Variants in VILL observed in about 807,000 individuals in gnomAD.
VILL encodes the protein villin like.
In VILL, 102 loss-of-function variants were observed where a neutral mutation model predicts 106.3. That is an observed-to-expected ratio of 0.96 (90% CI 0.82 to 1.13). VILL has a LOEUF of 1.13. Ranked by LOEUF, VILL falls within the 50% of genes most tolerant of loss-of-function variation. VILL has a pLI of 0.00. For missense variants in VILL, 1,076 were observed against 1,116.6 expected (o/e 0.96, Z 0.52); for synonymous variants, 431 against 440.3 (o/e 0.98, Z 0.27).
Position 37,993,895 on chromosome 3 carries a change from C to T in VILL, c.61-3C>T. ...GTTGTTACAGGGAACTCTCCTCTCC[C>T]AGAACCGGAAGATGGTGCCGGTACC... On this transcript the variant is annotated splice_polypyrimidine_tract_variant and splice_region_variant and intron_variant, in intron 2 of 19. Coordinates refer to ENST00000383759, the MANE Select transcript of VILL (RefSeq NM_015873.4). The T allele has an allele frequency of 1.2e-5, 20 of 1,614,196 alleles. No homozygotes were observed. Among genetic ancestry groups the T allele is most frequent in the Non-Finnish European group, 1.7e-5 (20 of 1,180,034 alleles).
At chr3:38,006,419 T>A in intron 18 of VILL, 30 bp from the exon 19 acceptor site, 1 of 1,580,118 alleles carries the variant, frequency 6.3e-7, no homozygotes, top group South Asian at 1.2e-5. Context: ...ATTCCCCATC[T>A]TCCCCAGCCT....
chr3:38,003,276 G>A lies in VILL; in HGVS notation c.1768G>A (p.Ala590Thr), dbSNP rs1305116939. Residue 590 changes from alanine (A) to threonine (T), a missense_variant, in exon 15 of 20, where the codon GCC (alanine) becomes ACC (threonine). By Grantham distance (58) the Ala-to-Thr change is moderately conservative. Coordinates refer to ENST00000383759, the MANE Select transcript of VILL (RefSeq NM_015873.4). ...EGQEPPHFWE[A>T]LGGRAPYPSN... Reference sequence around the variant, plus strand: ...TCAGGAGCCTCCCCACTTCTGGGAGGCCCTGGGAGGCCGGGCCCCCTACCC... The same window carrying A: ...TCAGGAGCCTCCCCACTTCTGGGAGACCCTGGGAGGCCGGGCCCCCTACCC... 6.2e-7 allele frequency: 1 copy of A among 1,613,072 alleles called. No homozygotes were observed. The highest frequency in any genetic ancestry group is 1.1e-5 in the South Asian group (1 of 90,892).
At chr3:38,003,506 T>G (rs530076262) in intron 15 of VILL, 193 bp downstream of exon 15, 47,966 of 509,836 alleles carry the variant, frequency 0.094, 2,011 homozygotes, top group African/African-American at 0.25. Flanking sequence ...CTTGCGTCTC[T>G]CAGATGCTGG....
rs568693828 is a variant in VILL at position 38,004,213 on chromosome 3, C to T, written c.1806-42C>T. 1.3e-5 allele frequency: 20 copies of T among 1,577,814 alleles called. No homozygotes were observed. In the East Asian group the frequency reaches 3.2e-4, roughly 25 times the overall value. On this transcript the variant is annotated intron_variant, in intron 15 of 19. Coordinates refer to ENST00000383759, the MANE Select transcript of VILL (RefSeq NM_015873.4). ...GGCACTTGTGCCATGGGCTGGGGTG[C>T]CCCTCTGGGTGGCTCACAGCCTTGC...
At position 38,002,867 on chromosome 3, in the gene VILL, A is replaced by G. The variant is rs528270191; in HGVS notation, c.1659+292A>G. ...GGTCTCTTGGGAAAAGGGGAGGCCT[A>G]TGCCAGTTTGCTGGAGTTTTCTCTA... On this transcript the variant is annotated intron_variant, in intron 14 of 19. Coordinates refer to ENST00000383759, the MANE Select transcript of VILL (RefSeq NM_015873.4). The G allele has an allele frequency of 3.4e-4, 181 of 532,080 alleles. 2 individuals are homozygous for G. In the South Asian group the frequency reaches 4.7e-3, roughly 14 times the overall value. The allele number at this position is 532,080 out of a possible 1,614,324, so 33.0% of individuals were successfully genotyped here.
Position 37,993,939 on chromosome 3 carries a change from CT to C in VILL, c.108del (p.Phe36LeufsTer85). 5 of 1,614,184 alleles carry C rather than the reference CT, an allele frequency of 3.1e-6. No individual in the cohort carries two copies. The highest frequency in any genetic ancestry group is 3.4e-6 in the Non-Finnish European group (4 of 1,180,032). On this transcript the variant is annotated frameshift_variant, in exon 3 of 20. Transcript: ENST00000383759. LOFTEE classifies it high-confidence loss of function. ...VPVPEGAYGN[F>X]FEEHCYVILH... ...CGGTACCCGAGGGGGCTTACGGGAACTTTTTTGAGGAACACTGCTATGTCAT... is the reference window on the plus strand; with the variant it reads ...CGGTACCCGAGGGGGCTTACGGGAACTTTTTGAGGAACACTGCTATGTCAT...
rs1348577513 is a variant in VILL, at chr3:38,006,434, C to T, written c.2206-15C>T. 6.3e-7 allele frequency: 1 copy of T among 1,586,162 alleles called. No homozygotes were observed. The highest frequency in any genetic ancestry group is 1.7e-5 in the Admixed American group (1 of 58,342). ...ATTCCCCATCTTCCCCAGCCTGAGG[C>T]TCCTCTCTGGACAGGAAGTCAACAA... On this transcript the variant is annotated splice_polypyrimidine_tract_variant and intron_variant, in intron 18 of 19. Transcript: ENST00000383759.
chr3:37,993,602 G>T lies in VILL; in HGVS notation c.-71G>T. The T allele has an allele frequency of 6.8e-7, 1 of 1,469,110 alleles. No homozygotes were observed. Among genetic ancestry groups the T allele is most frequent in the Non-Finnish European group, 9.5e-7 (1 of 1,056,458 alleles). 91.0% of individuals were successfully genotyped at this position (1,469,110 alleles called of 1,614,324 possible). ...TATAATGAAGTTGTACAGGTAGCCA[G>T]GTGTCGGTCTCCAGCCTGAGAACTC... On this transcript the variant is annotated 5_prime_UTR_variant, in exon 2 of 20. The change creates a new upstream start codon in the 5' untranslated region. Coordinates refer to ENST00000383759, the MANE Select transcript of VILL (RefSeq NM_015873.4).
At chr3:37,994,156 A>T in intron 3 of VILL, 105 bp from the exon 4 acceptor site, 1 of 1,444,744 alleles carries the variant, frequency 6.9e-7, no homozygotes, top group Non-Finnish European at 9.5e-7. Flanking sequence ...ATCTCCGCGG[A>T]AGCCCCTGCC....
chr3:37,999,873 A>G (rs1305383894), intron 11 of VILL, among the ~76,000 whole-genome samples: 2 of 152,222 alleles, frequency 1.3e-5, no homozygotes, highest in African/African-American at 4.8e-5. Context: ...ACACCAACAC[A>G]GACACACGAT....
At chr3:37,988,232 G>A (rs974401701), upstream of VILL, 1 of 152,314 alleles carries the variant, frequency 6.6e-6, no homozygotes, top group Non-Finnish European at 1.5e-5. Context: ...CATATTGCCA[G>A]AACACAGTAA....
At chr3:38,006,112 C>T in intron 17 of VILL, 69 bp from the exon 18 acceptor site, 6 of 1,609,594 alleles carry the variant, frequency 3.7e-6, no homozygotes, top group Non-Finnish European at 5.1e-6. Flanking sequence ...TCCTCAGGCC[C>T]CTCATGTGTC....
At position 38,006,995 on chromosome 3, in the gene VILL, A is replaced by G. The variant is rs1174717760; in HGVS notation, c.2511A>G (p.Glu837=). The stretch of plus-strand genomic sequence containing the variant: ...ATATCTTTGGGAAATCCAAGGAGGA[A>G]TTCTACAGCATGGCCACGTGGAGGC... ...FQDIFGKSKE[E]FYSMATWRQR... The change falls in exon 20 of 20, where the codon GAA becomes GAG. Residue 837 remains glutamate (E), a synonymous_variant. Transcript: ENST00000383759. 1 of 1,614,036 alleles carries G rather than the reference A, an allele frequency of 6.2e-7. No individual in the cohort carries two copies. Among genetic ancestry groups the G allele is most frequent in the African/African-American group, 1.3e-5 (1 of 74,916 alleles).
chr3:38,005,794 C>A lies in VILL; in HGVS notation c.1953C>A (p.Ile651=), dbSNP rs1449449222. ...DIMLLDTWQE[I]FLWLGEAASE... ...GCCAGGTCCCCTCTGTGGCTCAGATCTTCCTGTGGCTTGGGGAAGCTGCAA... is the reference window on the plus strand; with the variant it reads ...GCCAGGTCCCCTCTGTGGCTCAGATATTCCTGTGGCTTGGGGAAGCTGCAA... The change falls in exon 17 of 20, where the codon ATC becomes ATA. Residue 651 remains isoleucine (I), a splice_region_variant and synonymous_variant. Coordinates refer to ENST00000383759, the MANE Select transcript of VILL (RefSeq NM_015873.4). The A allele has an allele frequency of 6.2e-7, 1 of 1,608,290 alleles. No individual in the cohort carries two copies. The highest frequency in any genetic ancestry group is 8.5e-7 in the Non-Finnish European group (1 of 1,177,080).
rs777029250 is a variant in VILL at position 37,997,112 on chromosome 3, C to T, written c.486C>T (p.Asp162=). The change falls in exon 6 of 20, where the codon GAC becomes GAT. Residue 162 remains aspartate, a synonymous_variant. Coordinates refer to ENST00000383759, the MANE Select transcript of VILL (RefSeq NM_015873.4). The surrounding 1 kb of genome is among the most constrained non-coding windows in gnomAD (Gnocchi z 4.7). ...CCTGGAACAGCTTTAATAAGGGTGA[C>T]ATCTTCCTGCTGGACCTAGGCAAGA... The part of the protein sequence containing the change: ...ELSWNSFNKG[D]IFLLDLGKMM... 3 of 1,614,174 alleles carry T rather than the reference C, an allele frequency of 1.9e-6. No homozygotes were observed. In the Admixed American group the frequency reaches 5.0e-5, roughly 27 times the overall value.
chr3:37,989,607 T>C (rs1186658542), upstream of VILL, among the ~76,000 whole-genome samples: 1 of 151,434 alleles, frequency 6.6e-6, no homozygotes, highest in Non-Finnish European at 1.5e-5. Flanking sequence ...TGAGGGGAGA[T>C]GGGGGAAGAG....
In VILL at chr3:38,005,985, C is replaced by T. The variant is rs1252196896; in HGVS notation, c.2133+11C>T. Reference sequence around the variant, plus strand: ...CCCTACAAGTGGACTGTGAGTGAGGCCTGAAACCCCCAGCCCTACCCTAAT... The same window carrying T: ...CCCTACAAGTGGACTGTGAGTGAGGTCTGAAACCCCCAGCCCTACCCTAAT... On this transcript the variant is annotated intron_variant, in intron 17 of 19. Coordinates refer to ENST00000383759, the MANE Select transcript of VILL (RefSeq NM_015873.4). 1.2e-6 allele frequency: 2 copies of T among 1,604,932 alleles called. No individual in the cohort carries two copies. The highest frequency in any genetic ancestry group is 1.7e-6 in the Non-Finnish European group (2 of 1,173,920).
intron 15 of VILL, chr3:38,003,636 AGT>A (rs370674813): frequency 2.8e-5 from 10 of 361,330 alleles, no homozygotes; most frequent in Non-Finnish European, 5.2e-5. Flanking sequence ...CACGGTGCCC[AGT>A]GTGTGTGTAT....
chr3:37,999,038 C>A lies in VILL; in HGVS notation c.1069C>A (p.Leu357Ile). The change falls in exon 10 of 20, where the codon CTC (leucine) becomes ATC (isoleucine). Residue 357 changes from leucine (L) to isoleucine (I), a missense_variant. By Grantham distance (5) the Leu-to-Ile change is conservative (BLOSUM62 2). Transcript: ENST00000383759. ...WSEKRRRNQK[L>I]GGRDKSIHVK... ...TGAGAAGCGGCGCAGGAACCAGAAGCTCGGCGGGAGGGGTGAGCGGGCGGG... is the reference window on the plus strand; with the variant it reads ...TGAGAAGCGGCGCAGGAACCAGAAGATCGGCGGGAGGGGTGAGCGGGCGGG... 1 of 1,501,190 alleles carries A rather than the reference C, an allele frequency of 6.7e-7. No individual in the cohort carries two copies. The highest frequency in any genetic ancestry group is 1.1e-5 in the South Asian group (1 of 88,026). 93.0% of individuals were successfully genotyped at this position (1,501,190 alleles called of 1,614,324 possible).
Sources: allele counts gnomAD v4.1 joint callset (sites outside exome capture counted in the v4.1 genomes callset), GRCh38; gene constraint gnomAD v4.1.1; non-coding constraint Gnocchi (gnomAD v3.1); transcripts MANE v1.5; gene names NCBI Gene and HGNC (gene_info 2026-07-23, HGNC 2026-07-21).